The following ZFP36L2 variants were observed in gnomAD, a reference collection of about 807,000 sequenced individuals.
The protein encoded by ZFP36L2 is ZFP36 like 2 zinc finger CCCH-type.
A neutral mutation model predicts 27.9 loss-of-function variants in ZFP36L2; 16 were observed. The ratio of observed to expected loss-of-function variants is 0.57; its 90% CI spans 0.39 to 0.87. The LOEUF (loss-of-function observed/expected upper bound fraction) is 0.87. Among genes scored for constraint, ZFP36L2 ranks in the 40% least tolerant of loss-of-function variants. The probability of loss-of-function intolerance (pLI) is 0.00; values close to 1 mark genes in which losing one functional copy is unlikely to be tolerated. For missense variants in ZFP36L2, 989 were observed against 726.9 expected (o/e 1.36, Z -4.15); for synonymous variants, 600 against 363.8 (o/e 1.65, Z -7.39).
In ZFP36L2 at chr2:43,226,283, A is replaced by T. The variant is rs1667101692; in HGVS notation, c.33T>A (p.Asp11Glu). MSTTLLSAFYDVDFLCKTEKS... is the reference protein window; with the variant it reads MSTTLLSAFYEVDFLCKTEKS... ...GGCCTACCTTGCACAAGAAGTCGAC[A>T]TCGTAGAAGGCGGACAGAAGTGTGG... The change falls in exon 1 of 2, where the codon GAT becomes GAA. Residue 11 changes from aspartate to glutamate, a missense_variant. Transcript: ENST00000282388. 1 of 1,588,560 alleles carries T rather than the reference A, an allele frequency of 6.3e-7. No homozygotes were observed. The highest frequency in any genetic ancestry group is 8.6e-7 in the Non-Finnish European group (1 of 1,166,664).
intron 1 of ZFP36L2, 64 bp downstream of exon 1, chr2:43,226,201 G>A: frequency 5.2e-6 from 8 of 1,547,544 alleles, no homozygotes; most frequent in East Asian, 4.9e-5. Flanking sequence ...CCAGAACCTG[G>A]GGACAGAGGC....
At position 43,226,344 on chromosome 2, in the gene ZFP36L2, G is replaced by A. The variant is rs1667104772; in HGVS notation, c.-29C>T. ...TCTGGATCCCGCAGTGGCCGGAGCG[G>A]CAGGCCGGGAGGTCGGGAGGAGCCC... On this transcript the variant is annotated 5_prime_UTR_variant, in exon 1 of 2. Transcript: ENST00000282388. 1 of 1,564,582 alleles carries A rather than the reference G, an allele frequency of 6.4e-7. No individual in the cohort carries two copies.
At position 43,225,216 on chromosome 2, in the gene ZFP36L2, C is replaced by G. The variant is rs1572681770; in HGVS notation, c.588G>C (p.Leu196=). Residue 196 remains leucine (L), a synonymous_variant, in exon 2 of 2, where the codon CTG becomes CTC. Coordinates refer to ENST00000282388, the MANE Select transcript of ZFP36L2 (RefSeq NM_006887.5). ...LTRHPKYKTE[L]CRTFHTIGFC... The stretch of plus-strand genomic sequence containing the variant: ...AGCCGATGGTATGAAAGGTGCGGCA[C>G]AGCTCGGTCTTGTACTTCGGATGGC... 1.2e-6 allele frequency: 2 copies of G among 1,605,664 alleles called. No homozygotes were observed. The highest frequency in any genetic ancestry group is 4.5e-5 in the East Asian group (2 of 44,864).
In ZFP36L2 at chr2:43,225,804, G is replaced by A. The variant is rs767001065; in HGVS notation, c.52-52C>T. 11 of 1,514,760 alleles carry A rather than the reference G, an allele frequency of 7.3e-6. No homozygotes were observed. In the Admixed American group the frequency reaches 1.4e-4, roughly 19 times the overall value. The allele number at this position is 1,514,760 out of a possible 1,614,324, so 93.8% of individuals were successfully genotyped here. A position where few individuals can be genotyped will look rare whatever the true frequency, so the allele number is the denominator to read the frequency against. On this transcript the variant is annotated intron_variant, in intron 1 of 1. Coordinates refer to ENST00000282388, the MANE Select transcript of ZFP36L2 (RefSeq NM_006887.5). ...GGATGAAAAACGGAAGGGGAAGACA[G>A]ACTCGGGGCGAGCCGCAGAGGAACT...
chr2:43,226,533 G>T lies in ZFP36L2; in HGVS notation c.-218C>A, dbSNP rs1409430606. The T allele has an allele frequency of 1.8e-6, 1 of 541,114 alleles. No homozygotes were observed. The highest frequency in any genetic ancestry group is 3.2e-6 in the Non-Finnish European group (1 of 315,624). 33.5% of individuals were successfully genotyped at this position (541,114 alleles called of 1,614,324 possible). A position where few individuals can be genotyped will look rare whatever the true frequency, so the allele number is the denominator to read the frequency against. Reference sequence around the variant, plus strand: ...GGGGGGAAGGAGAGAAGCGAGGAGCGCTCCTCCGCGCCCCGGGGTGCCCGG... The same window carrying T: ...GGGGGGAAGGAGAGAAGCGAGGAGCTCTCCTCCGCGCCCCGGGGTGCCCGG... On this transcript the variant is annotated 5_prime_UTR_variant, in exon 1 of 2. Coordinates refer to ENST00000282388, the MANE Select transcript of ZFP36L2 (RefSeq NM_006887.5).
rs1254177994 is a variant in ZFP36L2, at chr2:43,222,695, A to C, written c.*1624T>G. 6.6e-6 allele frequency: 1 copy of C among 152,360 alleles called. No homozygotes were observed. The highest frequency in any genetic ancestry group is 1.5e-5 in the Non-Finnish European group (1 of 68,036). The allele number at this position is 152,360 out of a possible 1,614,324, so 9.4% of individuals were successfully genotyped here. A position where few individuals can be genotyped will look rare whatever the true frequency, so the allele number is the denominator to read the frequency against. Reference sequence around the variant, plus strand: ...GAAAAAAAAATAGTACAAGTTTTGGAATTTTCTGTAATTAAACAAGGCATA... The same window carrying C: ...GAAAAAAAAATAGTACAAGTTTTGGCATTTTCTGTAATTAAACAAGGCATA... On this transcript the variant is annotated 3_prime_UTR_variant, in exon 2 of 2. Coordinates refer to ENST00000282388, the MANE Select transcript of ZFP36L2 (RefSeq NM_006887.5).
intron 1 of ZFP36L2, 107 bp from the exon 2 acceptor site, chr2:43,225,859 C>A (rs1667087699): frequency 8.1e-7 from 1 of 1,232,102 alleles, no homozygotes; most frequent in Non-Finnish European, 1.1e-6. Context: ...TTTTTTTCCC[C>A]CACTCTTGGC....
Position 43,222,900 on chromosome 2 carries a change from A to T in ZFP36L2, c.*1419T>A, listed in dbSNP as rs1666997752. ...TTAAGGCAAGTTCGGGCCCTTCCAA[A>T]GGCACTGTGAGACTCCCCCCCCACT... is the stretch of plus-strand genomic sequence containing the variant. On this transcript the variant is annotated 3_prime_UTR_variant, in exon 2 of 2. Coordinates refer to ENST00000282388, the MANE Select transcript of ZFP36L2 (RefSeq NM_006887.5). 6.6e-6 allele frequency: 1 copy of T among 152,274 alleles called. No individual in the cohort carries two copies. The highest frequency in any genetic ancestry group is 6.5e-5 in the Admixed American group (1 of 15,268). 9.4% of individuals were successfully genotyped at this position (152,274 alleles called of 1,614,324 possible).
In ZFP36L2 at chr2:43,226,389, C is replaced by T. The variant is rs1667106352; in HGVS notation, c.-74G>A. ...GAGCCCTTGGGGCGGCGTGGCCGGG[C>T]TTGAGCCACGACGAATAACGGGCGA... is the stretch of plus-strand genomic sequence containing the variant. On this transcript the variant is annotated 5_prime_UTR_variant, in exon 1 of 2. Coordinates refer to ENST00000282388, the MANE Select transcript of ZFP36L2 (RefSeq NM_006887.5). 6.5e-7 allele frequency: 1 copy of T among 1,533,952 alleles called. No individual in the cohort carries two copies. Among genetic ancestry groups the T allele is most frequent in the Non-Finnish European group, 8.8e-7 (1 of 1,132,002 alleles).
Position 43,225,401 on chromosome 2 carries a change from G to A in ZFP36L2, c.403C>T (p.Leu135=). The A allele has an allele frequency of 6.2e-7, 1 of 1,613,476 alleles. No homozygotes were observed. The highest frequency in any genetic ancestry group is 8.5e-7 in the Non-Finnish European group (1 of 1,179,896). The part of the protein sequence containing the change: ...SENGDRSQHL[L]HLQQQQKGGG... ...CCCTTCTGCTGCTGCTGCAGGTGCA[G>A]GAGGTGCTGGCTGCGATCGCCGTTC... The change falls in exon 2 of 2, where the codon CTG becomes TTG. Residue 135 remains leucine, a synonymous_variant. Transcript: ENST00000282388.
At position 43,225,561 on chromosome 2, in the gene ZFP36L2, G is replaced by A. The variant is rs1019164175; in HGVS notation, c.243C>T (p.Ala81=). The change falls in exon 2 of 2, where the codon GCC becomes GCT. Residue 81 remains alanine, a synonymous_variant. Transcript: ENST00000282388. ...CGCTGCCGCAGCTGCTGCCGTTAGCGGCGCCCGGGAACTTGGGCGAGCAGC... is the reference window on the plus strand; with the variant it reads ...CGCTGCCGCAGCTGCTGCCGTTAGCAGCGCCCGGGAACTTGGGCGAGCAGC... ...PGSCSPKFPG[A]ANGSSCGSAA... 6 of 1,571,870 alleles carry A rather than the reference G, an allele frequency of 3.8e-6. No homozygotes were observed. The highest frequency in any genetic ancestry group is 5.2e-6 in the Non-Finnish European group (6 of 1,163,654).
In ZFP36L2 at chr2:43,224,457, G is replaced by C; in HGVS notation, c.1347C>G (p.Pro449=). 1 of 1,516,282 alleles carries C rather than the reference G, an allele frequency of 6.6e-7. No homozygotes were observed. The highest frequency in any genetic ancestry group is 8.8e-7 in the Non-Finnish European group (1 of 1,137,744). 93.9% of individuals were successfully genotyped at this position (1,516,282 alleles called of 1,614,324 possible). The change falls in exon 2 of 2, where the codon CCC becomes CCG. Residue 449 remains proline (P), a synonymous_variant. Coordinates refer to ENST00000282388, the MANE Select transcript of ZFP36L2 (RefSeq NM_006887.5). Reference sequence around the variant, plus strand: ...TGTCGCGGTCCGACAGCGAGTCCGGGGGGCTGGGGGGCGCGTCGAACACGG... The same window carrying C: ...TGTCGCGGTCCGACAGCGAGTCCGGCGGGCTGGGGGGCGCGTCGAACACGG... The part of the protein sequence containing the change: ...DSPVFDAPPS[P]PDSLSDRDSY...
chr2:43,226,548 G>T lies in ZFP36L2; in HGVS notation c.-233C>A, dbSNP rs1349506730. 3 of 524,932 alleles carry T rather than the reference G, an allele frequency of 5.7e-6. No individual in the cohort carries two copies. The highest frequency in any genetic ancestry group is 4.1e-5 in the African/African-American group (2 of 48,658). 32.5% of individuals were successfully genotyped at this position (524,932 alleles called of 1,614,324 possible). ...AGCGAGGAGCGCTCCTCCGCGCCCC[G>T]GGGTGCCCGGCCCGCCCCCCCCGCG... On this transcript the variant is annotated 5_prime_UTR_variant, in exon 1 of 2. Transcript: ENST00000282388.
Position 43,226,428 on chromosome 2 carries a change from G to T in ZFP36L2, c.-113C>A. ...AATAACGGGCGAGGGGCGGGGAGGG[G>T]CCGAAAGTTTGCCGGGGGGCGAGAG... On this transcript the variant is annotated 5_prime_UTR_variant, in exon 1 of 2. Coordinates refer to ENST00000282388, the MANE Select transcript of ZFP36L2 (RefSeq NM_006887.5). 1 of 1,403,762 alleles carries T rather than the reference G, an allele frequency of 7.1e-7. No individual in the cohort carries two copies. The highest frequency in any genetic ancestry group is 9.8e-7 in the Non-Finnish European group (1 of 1,019,706). 87.0% of individuals were successfully genotyped at this position (1,403,762 alleles called of 1,614,324 possible).
Position 43,226,402 on chromosome 2 carries a change from G to A in ZFP36L2, c.-87C>T. 2.0e-6 allele frequency: 3 copies of A among 1,507,892 alleles called. No homozygotes were observed. The highest frequency in any genetic ancestry group is 2.7e-6 in the Non-Finnish European group (3 of 1,109,600). 93.4% of individuals were successfully genotyped at this position (1,507,892 alleles called of 1,614,324 possible). On this transcript the variant is annotated 5_prime_UTR_variant, in exon 1 of 2. Coordinates refer to ENST00000282388, the MANE Select transcript of ZFP36L2 (RefSeq NM_006887.5). Reference sequence around the variant, plus strand: ...GGCGTGGCCGGGCTTGAGCCACGACGAATAACGGGCGAGGGGCGGGGAGGG... The same window carrying A: ...GGCGTGGCCGGGCTTGAGCCACGACAAATAACGGGCGAGGGGCGGGGAGGG...
Position 43,224,258 on chromosome 2 carries a change from AG to A in ZFP36L2, c.*60del. 2 of 1,444,782 alleles carry A rather than the reference AG, an allele frequency of 1.4e-6. No individual in the cohort carries two copies. Among genetic ancestry groups the A allele is most frequent in the Admixed American group, 2.3e-5 (1 of 42,754 alleles). 89.5% of individuals were successfully genotyped at this position (1,444,782 alleles called of 1,614,324 possible). A position where few individuals can be genotyped will look rare whatever the true frequency, so the allele number is the denominator to read the frequency against. On this transcript the variant is annotated 3_prime_UTR_variant, in exon 2 of 2. Transcript: ENST00000282388. ...TGCCCCCAGCAAGGGCGAGATGGCG[AG>A]GGGTGTCCTCCAACATCTCTGAACC... is the stretch of plus-strand genomic sequence containing the variant.
chr2:43,224,566 G>C lies in ZFP36L2; in HGVS notation c.1238C>G (p.Pro413Arg). 1.5e-6 allele frequency: 2 copies of C among 1,331,080 alleles called. No individual in the cohort carries two copies. Among genetic ancestry groups the C allele is most frequent in the Non-Finnish European group, 1.9e-6 (2 of 1,048,240 alleles). 82.5% of individuals were successfully genotyped at this position (1,331,080 alleles called of 1,614,324 possible). A position where few individuals can be genotyped will look rare whatever the true frequency, so the allele number is the denominator to read the frequency against. Residue 413 changes from proline (P) to arginine (R), a missense_variant, in exon 2 of 2, where the codon CCC becomes CGC. Coordinates refer to ENST00000282388, the MANE Select transcript of ZFP36L2 (RefSeq NM_006887.5). ...GGCCCCGGCGGGGAGGGTCGCGCTG[G>C]GCGGCGCCGGCGGCTGCGCGGGGGG... ...LAPPAQPPAPPSATLPAGAAA... is the reference protein window; with the variant it reads ...LAPPAQPPAPRSATLPAGAAA...
intron 1 of ZFP36L2, 106 bp from the exon 2 acceptor site, chr2:43,225,858 C>G (rs1667087665): frequency 1.6e-6 from 2 of 1,256,558 alleles, no homozygotes; most frequent in Admixed American, 2.5e-5. Context: ...CTTTTTTTCC[C>G]CCACTCTTGG....
chr2:43,224,273 C>T lies in ZFP36L2; in HGVS notation c.*46G>A, dbSNP rs375785322. ...CGAGATGGCGAGGGGTGTCCTCCAA[C>T]ATCTCTGAACCGCCTTCCCTTCCTC... is the stretch of plus-strand genomic sequence containing the variant. On this transcript the variant is annotated 3_prime_UTR_variant, in exon 2 of 2. Coordinates refer to ENST00000282388, the MANE Select transcript of ZFP36L2 (RefSeq NM_006887.5). 3,248 of 1,482,104 alleles carry T rather than the reference C, an allele frequency of 2.2e-3. 12 individuals are homozygous for T. The highest frequency in any genetic ancestry group is 2.5e-3 in the Non-Finnish European group (2,794 of 1,118,684). The allele number at this position is 1,482,104 out of a possible 1,614,324, so 91.8% of individuals were successfully genotyped here. A position where few individuals can be genotyped will look rare whatever the true frequency, so the allele number is the denominator to read the frequency against.
Sources: gnomAD v4.1 joint callset for allele counts on GRCh38, gnomAD v4.1.1 for gene constraint, MANE v1.5 for transcripts, NCBI Gene and HGNC (gene_info 2026-07-23, HGNC 2026-07-21) for gene names.